The following TSFM variants were observed in gnomAD, a reference collection of about 807,000 sequenced individuals.
TSFM encodes the protein Ts translation elongation factor, mitochondrial.
Under a neutral mutation model 33.4 loss-of-function variants are expected in TSFM, and 29 were observed. The observed-to-expected ratio is 0.87, with a 90% CI of 0.65 to 1.18. TSFM has a LOEUF of 1.18. Ranked by LOEUF, TSFM falls within the 50% of genes most tolerant of loss-of-function variation. The pLI, the probability that TSFM is intolerant of heterozygous loss-of-function variation, is 0.00. For synonymous variants in TSFM, 178 were observed against 163.5 expected (o/e 1.09, Z -0.68); for missense variants, 394 against 395.6 (o/e 1.00, Z 0.04).
At chr12:57,782,966 A>G (rs1472555951) in intron 1 of TSFM, 108 bp downstream of exon 1, 13 of 1,473,896 alleles carry the variant, frequency 8.8e-6, no homozygotes, top group Admixed American at 6.3e-5. Flanking sequence ...ACCTTCCCCG[A>G]CAGCATTGCC....
Position 57,796,835 on chromosome 12 carries a change from C to T in TSFM, c.*252C>T. ...AACAGGCATCAACAATACTGCTGCTCCCTTCAACATAGATTTATTATGGTA... is the reference window on the plus strand; with the variant it reads ...AACAGGCATCAACAATACTGCTGCTTCCTTCAACATAGATTTATTATGGTA... On this transcript the variant is annotated 3_prime_UTR_variant, in exon 6 of 6. Coordinates refer to ENST00000652027, the MANE Select transcript of TSFM (RefSeq NM_005726.6). 1 of 1,140,834 alleles carries T rather than the reference C, an allele frequency of 8.8e-7. No homozygotes were observed. Among genetic ancestry groups the T allele is most frequent in the Non-Finnish European group, 1.1e-6 (1 of 932,162 alleles). The allele number at this position is 1,140,834 out of a possible 1,614,324, so 70.7% of individuals were successfully genotyped here. A position where few individuals can be genotyped will look rare whatever the true frequency, so the allele number is the denominator to read the frequency against.
chr12:57,794,537 A>G (rs965173565), intron 5 of TSFM, among the ~76,000 whole-genome samples: 1 of 152,140 alleles, frequency 6.6e-6, no homozygotes, highest in Admixed American at 6.6e-5. Context: ...TGAGCTGTGG[A>G]CTTTTTCCGG....
At chr12:57,791,779 G>T (rs1370729986) in intron 4 of TSFM, among the ~76,000 whole-genome samples, 1 of 152,158 alleles carries the variant, frequency 6.6e-6, no homozygotes, top group Non-Finnish European at 1.5e-5. Flanking sequence ...CAGTATTATT[G>T]GAAGTATATC....
At chr12:57,802,310 C>T (rs759831098), downstream of TSFM, 3 of 1,613,834 alleles carry the variant, frequency 1.9e-6, no homozygotes, top group Non-Finnish European at 2.5e-6. Context: ...CACTCTCCTT[C>T]TCCGTGGCAT....
In TSFM at chr12:57,797,478, A is replaced by G. The variant is rs58949411; in HGVS notation, c.*895A>G. 13 of 983,086 alleles carry G rather than the reference A, an allele frequency of 1.3e-5. No homozygotes were observed. The South Asian group carries it at 1.9e-4, about 14-fold the overall frequency. The allele number at this position is 983,086 out of a possible 1,614,324, so 60.9% of individuals were successfully genotyped here. On this transcript the variant is annotated 3_prime_UTR_variant, in exon 6 of 6. Transcript: ENST00000652027. ...CCTATGGAGTGCATATATGATTTCAATGATTTACAGGCTAAATAGATTTTA... is the reference window on the plus strand; with the variant it reads ...CCTATGGAGTGCATATATGATTTCAGTGATTTACAGGCTAAATAGATTTTA...
At position 57,783,281 on chromosome 12, in the gene TSFM, CAG is replaced by C. The variant is rs1404203924; in HGVS notation, c.230_231del (p.Gln77ArgfsTer47). On this transcript the variant is annotated frameshift_variant and splice_region_variant, in exon 2 of 6. Coordinates refer to ENST00000652027, the MANE Select transcript of TSFM (RefSeq NM_005726.6). LOFTEE classifies it high-confidence loss of function. The stretch of plus-strand genomic sequence containing the variant: ...GGAGACTTGTGGCGGGGACCTCAAA[CAG>C]GTGTGTGTGTGGAGGGGTGCAGGGC... ...ALETCGGDLK[Q>X]AEIWLHKEAQ... 6.2e-7 allele frequency: 1 copy of C among 1,613,592 alleles called. No individual in the cohort carries two copies.
chr12:57,791,114 A>G (rs1237454243), intron 4 of TSFM, among the ~76,000 whole-genome samples: 2 of 150,666 alleles, frequency 1.3e-5, no homozygotes, highest in Non-Finnish European at 2.9e-5. Flanking sequence ...GGTTCAAGTG[A>G]TTCTCCTGCC....
downstream of TSFM, chr12:57,802,229 G>A: frequency 6.2e-7 from 1 of 1,614,170 alleles, no homozygotes; most frequent in South Asian, 1.1e-5. Context: ...CCTGCTTAAT[G>A]ATCAGGATTG....
At chr12:57,802,424 A>G (rs1595158662), downstream of TSFM, 5 of 1,479,520 alleles carry the variant, frequency 3.4e-6, no homozygotes, top group Non-Finnish European at 4.6e-6. Context: ...ACATTACCCT[A>G]TCTTTCCCCT....
chr12:57,789,394 T>G (rs1486966948), intron 4 of TSFM, among the ~76,000 whole-genome samples: 1 of 151,914 alleles, frequency 6.6e-6, no homozygotes, highest in Admixed American at 6.6e-5. Context: ...ACATTTAGGA[T>G]TTTTTTTTCT....
intron 4 of TSFM, among the ~76,000 whole-genome samples, chr12:57,788,612 A>T (rs556384530): frequency 8.6e-5 from 13 of 151,876 alleles, no homozygotes; most frequent in African/African-American, 2.9e-4. Flanking sequence ...CCATTTATTA[A>T]CATTTTGCTG....
At chr12:57,790,527 T>C (rs1955648882) in intron 4 of TSFM, among the ~76,000 whole-genome samples, 1 of 152,254 alleles carries the variant, frequency 6.6e-6, no homozygotes, top group South Asian at 2.1e-4. Context: ...TTACAATATA[T>C]ATACAAAATT....
At position 57,797,054 on chromosome 12, in the gene TSFM, C is replaced by A; in HGVS notation, c.*471C>A. 1.0e-6 allele frequency: 1 copy of A among 985,508 alleles called. No homozygotes were observed. The highest frequency in any genetic ancestry group is 4.7e-5 in the South Asian group (1 of 21,288). 61.0% of individuals were successfully genotyped at this position (985,508 alleles called of 1,614,324 possible). ...GAGTTGTCTGGAAAATGTGGGTTCT[C>A]TTCTTTGTGATTGTCTGTAGTATGC... On this transcript the variant is annotated 3_prime_UTR_variant, in exon 6 of 6. Coordinates refer to ENST00000652027, the MANE Select transcript of TSFM (RefSeq NM_005726.6).
Position 57,784,404 on chromosome 12 carries a change from T to G in TSFM, c.231+1121T>G, listed in dbSNP as rs1054262207. Among the ~76,000 whole-genome samples, 4 of 152,330 alleles carry G rather than the reference T, an allele frequency of 2.6e-5. No homozygotes were observed. In the East Asian group the frequency reaches 7.7e-4, roughly 29 times the overall value. ...AGCTACATTACATTTATAAGAAATT[T>G]TTTTCTGTGATAATAAGTTAACCTT... On this transcript the variant is annotated intron_variant, in intron 2 of 5. Transcript: ENST00000652027.
chr12:57,793,631 A>T (rs1004185225), intron 5 of TSFM, among the ~76,000 whole-genome samples: 5 of 152,198 alleles, frequency 3.3e-5, no homozygotes, highest in African/African-American at 1.2e-4. Context: ...CAGAATTTCT[A>T]AATTCCTTAA....
rs752852871 is a variant in TSFM, at chr12:57,783,244, C to A, written c.192C>A (p.Cys64Ter). ...AAACAGGCTACTCCTTTGTAAATTG[C>A]AAGAAAGCTCTGGAGACTTGTGGCG... ...RRKTGYSFVN[C>*]KKALETCGGD... The change falls in exon 2 of 6, where the codon TGC becomes TGA. Residue 64 changes from cysteine to a stop codon, truncating the protein, a stop_gained. Transcript: ENST00000652027. LOFTEE classifies it high-confidence loss of function. 2 of 1,613,904 alleles carry A rather than the reference C, an allele frequency of 1.2e-6. No homozygotes were observed. Among genetic ancestry groups the A allele is most frequent in the Admixed American group, 1.7e-5 (1 of 60,030 alleles).
chr12:57,790,227 A>G (rs1208718447), intron 4 of TSFM, among the ~76,000 whole-genome samples: 1 of 150,622 alleles, frequency 6.6e-6, no homozygotes, highest in Non-Finnish European at 1.5e-5. Context: ...GTGCCACCAT[A>G]CCCAGCTAAT....
At chr12:57,801,426 C>T (rs975545769), downstream of TSFM, 23 of 415,628 alleles carry the variant, frequency 5.5e-5, no homozygotes, top group South Asian at 5.7e-4. Flanking sequence ...CCCCTCAGTC[C>T]TCCCAATAAG....
intron 4 of TSFM, among the ~76,000 whole-genome samples, chr12:57,791,529 CT>C (rs1955662651): frequency 6.6e-6 from 1 of 152,128 alleles, no homozygotes; most frequent in Non-Finnish European, 1.5e-5. Context: ...ACAAATAGTT[CT>C]TTGTTGCACA....
Sources: allele counts gnomAD v4.1 joint callset (sites outside exome capture counted in the v4.1 genomes callset), GRCh38; gene constraint gnomAD v4.1.1; transcripts MANE v1.5; gene names NCBI Gene and HGNC (gene_info 2026-07-23, HGNC 2026-07-21).